SORCS1: variants seen among roughly 807,000 people sequenced by gnomAD.
SORCS1 encodes the protein sortilin related VPS10 domain containing receptor 1.
Under a neutral mutation model 146.1 loss-of-function variants are expected in SORCS1, and 60 were observed. The ratio of observed to expected loss-of-function variants is 0.41; its 90% CI spans 0.33 to 0.51. SORCS1 has a LOEUF of 0.51. SORCS1 is among the 20% of genes least tolerant of loss of function. The probability of loss-of-function intolerance (pLI) is 0.21; values close to 1 mark genes in which losing one functional copy is unlikely to be tolerated. For synonymous variants in SORCS1, 637 were observed against 584.0 expected, an observed-to-expected ratio of 1.09 and a Z score of -1.31; for missense variants, 1,352 against 1,487.6, an observed-to-expected ratio of 0.91 and a Z score of 1.50.
chr10:106,964,659 T>A (rs1274779108), intron 1 of SORCS1, among the ~76,000 whole-genome samples: 2 of 152,034 alleles, frequency 1.3e-5, no homozygotes, highest in African/African-American at 4.8e-5. Context: ...GCAAATTTTT[T>A]ATATTTTTAG....
chr10:106,590,667 T>C (rs751842318), intron 24 of SORCS1, among the ~76,000 whole-genome samples: 5 of 152,180 alleles, frequency 3.3e-5, no homozygotes, highest in Non-Finnish European at 7.3e-5. Context: ...TTTTTGTTTT[T>C]GTTTTGAGAT....
At chr10:106,715,845 C>A (rs1032540549) in intron 6 of SORCS1, among the ~76,000 whole-genome samples, 5 of 152,034 alleles carry the variant, frequency 3.3e-5, no homozygotes, top group African/African-American at 4.8e-5. Flanking sequence ...TGCAACCTCC[C>A]GAGTTCAAAC....
intron 3 of SORCS1, among the ~76,000 whole-genome samples, chr10:106,823,607 ACTT>A (rs1948159629): frequency 6.6e-6 from 1 of 152,190 alleles, no homozygotes; most frequent in African/African-American, 2.4e-5. Context: ...TGATTAAGGC[ACTT>A]TATGCCATCT....
chr10:106,614,114 G>A (rs917940955), intron 21 of SORCS1, among the ~76,000 whole-genome samples: 3 of 152,086 alleles, frequency 2.0e-5, no homozygotes, highest in African/African-American at 7.2e-5. Context: ...ATGGCTCTGT[G>A]TTCCTGGCCC....
chr10:106,744,168 G>A (rs535801233), intron 5 of SORCS1, among the ~76,000 whole-genome samples: 4 of 151,936 alleles, frequency 2.6e-5, no homozygotes, highest in African/African-American at 9.7e-5. Context: ...GCAGTGGCGC[G>A]ATCTCAGCTC....
chr10:106,803,722 T>C (rs2136676365), intron 3 of SORCS1, among the ~76,000 whole-genome samples: 1 of 152,336 alleles, frequency 6.6e-6, no homozygotes, highest in Non-Finnish European at 1.5e-5. Flanking sequence ...TATGAACAAC[T>C]GATAAAAGAG....
At chr10:107,094,652 T>A (rs554353071) in intron 1 of SORCS1, among the ~76,000 whole-genome samples, 1 of 152,296 alleles carries the variant, frequency 6.6e-6, no homozygotes, top group East Asian at 1.9e-4. Context: ...AGAAGTGGCT[T>A]TTGTTTAGAA....
chr10:106,737,721 A>G (rs1857062321), intron 5 of SORCS1, among the ~76,000 whole-genome samples: 1 of 151,752 alleles, frequency 6.6e-6, no homozygotes. Flanking sequence ...AAAAAAGGAT[A>G]AAAGTATGTG....
intron 1 of SORCS1, among the ~76,000 whole-genome samples, chr10:107,140,612 C>T (rs1269745721): frequency 1.3e-5 from 2 of 152,162 alleles, no homozygotes; most frequent in Non-Finnish European, 2.9e-5. Flanking sequence ...AGCTGTCTTA[C>T]CAACCATTGT....
chr10:106,735,297 T>A (rs1171577049), intron 5 of SORCS1, among the ~76,000 whole-genome samples: 1 of 152,182 alleles, frequency 6.6e-6, no homozygotes, highest in African/African-American at 2.4e-5. Context: ...AATTATTTAT[T>A]CATTTATTTA....
chr10:106,661,628 C>G (rs1487554224), intron 17 of SORCS1, among the ~76,000 whole-genome samples: 1 of 152,152 alleles, frequency 6.6e-6, no homozygotes, highest in Non-Finnish European at 1.5e-5. Context: ...GTGCTACATG[C>G]TTTACATACA....
chr10:106,869,219 A>G (rs1442406507), intron 2 of SORCS1, among the ~76,000 whole-genome samples: 1 of 152,164 alleles, frequency 6.6e-6, no homozygotes, highest in South Asian at 2.1e-4. Flanking sequence ...AACCAATAAA[A>G]GCCCAGGAAC....
intron 2 of SORCS1, among the ~76,000 whole-genome samples, chr10:106,955,219 C>G (rs543593494): frequency 1.3e-5 from 2 of 152,346 alleles, no homozygotes; most frequent in Admixed American, 1.3e-4. Context: ...TGTAACACCC[C>G]CTTTGCAGTT....
At chr10:106,659,374 A>G (rs2135351417) in intron 17 of SORCS1, among the ~76,000 whole-genome samples, 1 of 152,356 alleles carries the variant, frequency 6.6e-6, no homozygotes, top group East Asian at 1.9e-4. Flanking sequence ...ACTGGGACAT[A>G]TGGCCACACA....
At chr10:107,023,410 T>C (rs919918804) in intron 1 of SORCS1, among the ~76,000 whole-genome samples, 1 of 152,214 alleles carries the variant, frequency 6.6e-6, no homozygotes, top group Non-Finnish European at 1.5e-5. Context: ...GTTGTATTCA[T>C]TTTAGCACTG....
chr10:106,623,983 C>T (rs903529935), intron 19 of SORCS1, among the ~76,000 whole-genome samples: 1 of 152,188 alleles, frequency 6.6e-6, no homozygotes, highest in Non-Finnish European at 1.5e-5. Context: ...CTGCGCCCAA[C>T]CCTCACTCAA....
At chr10:106,769,429 G>A (rs1859827766) in intron 4 of SORCS1, among the ~76,000 whole-genome samples, 1 of 149,148 alleles carries the variant, frequency 6.7e-6, no homozygotes, top group Admixed American at 6.7e-5. Flanking sequence ...AGGTTACAGT[G>A]AGCTGAGATC....
intron 21 of SORCS1, among the ~76,000 whole-genome samples, chr10:106,612,694 T>C (rs1266764302): frequency 6.6e-6 from 1 of 152,068 alleles, no homozygotes; most frequent in Non-Finnish European, 1.5e-5. Context: ...AGCATTTGCA[T>C]ACCAAAGGTT....
chr10:106,788,900 C>T (rs1384603177), intron 3 of SORCS1, among the ~76,000 whole-genome samples: 1 of 152,248 alleles, frequency 6.6e-6, no homozygotes, highest in African/African-American at 2.4e-5. Context: ...CCCTTCTGCA[C>T]TGCCCTAGCA....
Sources: gnomAD v4.1 joint callset for allele counts (sites outside exome capture counted in the v4.1 genomes callset) on GRCh38, gnomAD v4.1.1 for gene constraint, MANE v1.5 for transcripts, NCBI Gene and HGNC (gene_info 2026-07-23, HGNC 2026-07-21) for gene names.